PDE5A: variants seen among roughly 807,000 people sequenced by gnomAD.
The protein encoded by PDE5A is phosphodiesterase 5A, also known as cGMP-specific 3',5'-cyclic phosphodiesterase.
In PDE5A, 67 loss-of-function variants were observed where a neutral mutation model predicts 110.2. That is an observed-to-expected ratio of 0.61 (90% CI 0.50 to 0.75). PDE5A has a LOEUF of 0.75. PDE5A is among the 30% of genes least tolerant of loss of function. The pLI is 0.00. For synonymous variants in PDE5A, 328 were observed against 351.2 expected, an observed-to-expected ratio of 0.93 and a Z score of 0.74; for missense variants, 862 against 1,045.1, an observed-to-expected ratio of 0.82 and a Z score of 2.42.
chr4:119,519,873 C>T (rs1394694891), intron 13 of PDE5A, among the ~76,000 whole-genome samples: 1 of 152,132 alleles, frequency 6.6e-6, no homozygotes, highest in Non-Finnish European at 1.5e-5. Flanking sequence ...TGATTTCTTA[C>T]ACTGGTTGAG....
chr4:119,500,985 T>C lies in PDE5A; in HGVS notation c.2490+185A>G, dbSNP rs75089612. ...AGATTAGCACATAGTAGGCACTCAA[T>C]AGATATTAGTATGTGTTCCTTGTTC... On this transcript the variant is annotated intron_variant, in intron 20 of 20. Coordinates refer to ENST00000354960, the MANE Select transcript of PDE5A (RefSeq NM_001083.4). 1,861 of 563,918 alleles carry C rather than the reference T, an allele frequency of 3.3e-3. 24 individuals carry two copies. The highest frequency in any genetic ancestry group is 0.032 in the African/African-American group (1,693 of 52,962). 34.9% of individuals were successfully genotyped at this position (563,918 alleles called of 1,614,324 possible). A position where few individuals can be genotyped will look rare whatever the true frequency, so the allele number is the denominator to read the frequency against.
chr4:119,523,844 A>G (rs1481014657), intron 12 of PDE5A, among the ~76,000 whole-genome samples: 1 of 152,118 alleles, frequency 6.6e-6, no homozygotes, highest in African/African-American at 2.4e-5. Context: ...GGGAGTACTC[A>G]GGAATGGAAA....
chr4:119,546,218 C>A (rs1727124942), intron 9 of PDE5A, among the ~76,000 whole-genome samples: 1 of 152,104 alleles, frequency 6.6e-6, no homozygotes. Flanking sequence ...TTTGTTTCAA[C>A]TATTACATAC....
chr4:119,539,906 A>AT (rs1327827522), intron 10 of PDE5A, among the ~76,000 whole-genome samples: 4 of 152,250 alleles, frequency 2.6e-5, no homozygotes, highest in African/African-American at 9.6e-5. Context: ...ATTTTGAAAC[A>AT]TTTTTGAGTT....
rs78865072 is a variant in PDE5A, at chr4:119,537,063, C to T, written c.1632+1897G>A. Reference sequence around the variant, plus strand: ...CAAAAGAAATGTTGCTCTTTCATGCCTAGCCCTCTTCAAGGTCCTTATCTC... The same window carrying T: ...CAAAAGAAATGTTGCTCTTTCATGCTTAGCCCTCTTCAAGGTCCTTATCTC... On this transcript the variant is annotated intron_variant, in intron 11 of 20. Transcript: ENST00000354960. 4.0e-3 allele frequency among the ~76,000 whole-genome samples: 604 copies of T among 152,196 alleles called. 5 individuals are homozygous for T. Among genetic ancestry groups the T allele is most frequent in the African/African-American group, 0.013 (552 of 41,568 alleles).
intron 7 of PDE5A, among the ~76,000 whole-genome samples, chr4:119,555,885 T>G (rs949353018): frequency 6.6e-6 from 1 of 152,208 alleles, no homozygotes. Context: ...TTTATTAAAG[T>G]TACATGATAC....
chr4:119,498,195 C>T lies in PDE5A; in HGVS notation c.*406G>A, dbSNP rs1007725949. 5 of 157,024 alleles carry T rather than the reference C, an allele frequency of 3.2e-5. No homozygotes were observed. Among genetic ancestry groups the T allele is most frequent in the African/African-American group, 1.2e-4 (5 of 41,508 alleles). The allele number at this position is 157,024 out of a possible 1,614,324, so 9.7% of individuals were successfully genotyped here. A position where few individuals can be genotyped will look rare whatever the true frequency, so the allele number is the denominator to read the frequency against. On this transcript the variant is annotated 3_prime_UTR_variant, in exon 21 of 21. Transcript: ENST00000354960. ...GAATGTATGATAATTTGCTCCTAACCTACTTTTGAAAAAGGAAAGATTCCA... is the reference window on the plus strand; with the variant it reads ...GAATGTATGATAATTTGCTCCTAACTTACTTTTGAAAAAGGAAAGATTCCA...
chr4:119,538,830 T>C, intron 11 of PDE5A, 130 bp downstream of exon 11: 1 of 751,194 alleles, frequency 1.3e-6, no homozygotes, highest in African/African-American at 1.7e-5. Flanking sequence ...GTATTATCAG[T>C]GACTTTGCAT....
In PDE5A at chr4:119,567,102, C is replaced by T. The variant is rs141970683; in HGVS notation, c.874G>A (p.Gly292Ser). 55 of 1,613,426 alleles carry T rather than the reference C, an allele frequency of 3.4e-5. No homozygotes were observed. The highest frequency in any genetic ancestry group is 2.0e-4 in the East Asian group (9 of 44,858). ...TCATCTTTTTCAGTAAATGTCCCAC[C>T]GTTTCCTGATTTCTTGTTGATGGCC... ...AQAINKKSGN[G>S]GTFTEKDEKD... Residue 292 changes from glycine (G) to serine (S), a missense_variant, in exon 4 of 21, where the codon GGT (glycine) becomes AGT (serine). Physicochemically the swap from Gly to Ser is moderately conservative, Grantham distance 56. Transcript: ENST00000354960.
chr4:119,622,072 G>C (rs1157518849), intron 1 of PDE5A, among the ~76,000 whole-genome samples: 1 of 151,968 alleles, frequency 6.6e-6, no homozygotes, highest in African/African-American at 2.4e-5. Context: ...TACTCGGGAG[G>C]CTGAGGCAAG....
chr4:119,524,987 C>G (rs1020100325), intron 12 of PDE5A, among the ~76,000 whole-genome samples: 2 of 152,000 alleles, frequency 1.3e-5, no homozygotes, highest in Non-Finnish European at 1.5e-5. Flanking sequence ...TGACCCTGTT[C>G]CAACTAAAAG....
chr4:119,533,506 C>T (rs923870085), intron 11 of PDE5A, among the ~76,000 whole-genome samples: 2 of 152,050 alleles, frequency 1.3e-5, no homozygotes, highest in Admixed American at 6.6e-5. Context: ...AATCCAAAGA[C>T]AGATAAGAAA....
chr4:119,586,489 A>T (rs1459921607), intron 3 of PDE5A, among the ~76,000 whole-genome samples: 1 of 152,212 alleles, frequency 6.6e-6, no homozygotes, highest in Admixed American at 6.5e-5. Context: ...ACATTAATGG[A>T]TGAGTATAGA....
In PDE5A at chr4:119,525,519, C is replaced by A. The variant is rs1387360044; in HGVS notation, c.1779+30G>T. 6.2e-7 allele frequency: 1 copy of A among 1,607,070 alleles called. No individual in the cohort carries two copies. Among genetic ancestry groups the A allele is most frequent in the South Asian group, 1.1e-5 (1 of 90,326 alleles). On this transcript the variant is annotated intron_variant, in intron 12 of 20. Coordinates refer to ENST00000354960, the MANE Select transcript of PDE5A (RefSeq NM_001083.4). This position sits in a 1 kb window ranked among gnomAD's most constrained non-coding sequence, Gnocchi z 4.3. Reference sequence around the variant, plus strand: ...ACATACACACACACATACACATAGACTTTTCCAAAGGATGTTGCTGCATTC... The same window carrying A: ...ACATACACACACACATACACATAGAATTTTCCAAAGGATGTTGCTGCATTC...
intron 14 of PDE5A, among the ~76,000 whole-genome samples, chr4:119,515,830 T>C (rs1725890900): frequency 6.6e-6 from 1 of 152,198 alleles, no homozygotes; most frequent in Non-Finnish European, 1.5e-5. Context: ...TCTGTGGTTC[T>C]AATTTCTACC....
intron 13 of PDE5A, among the ~76,000 whole-genome samples, chr4:119,520,265 G>A (rs1726075762): frequency 6.6e-6 from 1 of 152,038 alleles, no homozygotes; most frequent in Admixed American, 6.6e-5. Flanking sequence ...GGGAAGCTCT[G>A]AATTAAAAAC....
In PDE5A at chr4:119,499,756, C is replaced by A. The variant is rs1290358684; in HGVS notation, c.2491-1018G>T. The A allele has an allele frequency of 3.9e-5, 6 of 152,150 alleles. No individual in the cohort carries two copies. The East Asian group carries it at 1.2e-3, about 29-fold the overall frequency. The allele number at this position is 152,150 out of a possible 1,614,324, so 9.4% of individuals were successfully genotyped here. ...TTTTTTTGTAGGGATGGGGTTTCAC[C>A]ATGTTGGCCAGGCTGGCCTCGAACT... On this transcript the variant is annotated intron_variant, in intron 20 of 20. Coordinates refer to ENST00000354960, the MANE Select transcript of PDE5A (RefSeq NM_001083.4).
intron 4 of PDE5A, among the ~76,000 whole-genome samples, chr4:119,565,942 T>G (rs1727914904): frequency 7.0e-6 from 1 of 142,396 alleles, no homozygotes; most frequent in Admixed American, 7.2e-5. Context: ...ATTGATTGAC[T>G]ATTAATTATT....
In PDE5A at chr4:119,552,641, A is replaced by G; in HGVS notation, c.1309-4T>C. On this transcript the variant is annotated splice_region_variant and splice_polypyrimidine_tract_variant and intron_variant, in intron 8 of 20. Coordinates refer to ENST00000354960, the MANE Select transcript of PDE5A (RefSeq NM_001083.4). ...TTACATTTCCTGTATTTTCAGTCTAAACAAAAATAAAAAGAACAAAACAGC... is the reference window on the plus strand; with the variant it reads ...TTACATTTCCTGTATTTTCAGTCTAGACAAAAATAAAAAGAACAAAACAGC... 6.7e-7 allele frequency: 1 copy of G among 1,496,574 alleles called. No individual in the cohort carries two copies. Among genetic ancestry groups the G allele is most frequent in the Admixed American group, 2.3e-5 (1 of 43,162 alleles). The allele number at this position is 1,496,574 out of a possible 1,614,324, so 92.7% of individuals were successfully genotyped here.
Sources: allele counts gnomAD v4.1 joint callset (sites outside exome capture counted in the v4.1 genomes callset), GRCh38; gene constraint gnomAD v4.1.1; non-coding constraint Gnocchi (gnomAD v3.1); transcripts MANE v1.5; gene names NCBI Gene and HGNC (gene_info 2026-07-23, HGNC 2026-07-21).